KIAA2012: variants seen among roughly 807,000 people sequenced by gnomAD.
The protein encoded by KIAA2012 is uncharacterized protein KIAA2012.
KIAA2012 carries 125 observed loss-of-function variants against 150.6 expected under a neutral mutation model. That is an observed-to-expected ratio of 0.83 (90% CI 0.72 to 0.96). KIAA2012 has a LOEUF of 0.96. KIAA2012 is among the 40% of genes least tolerant of loss of function. The probability of loss-of-function intolerance (pLI) is 0.00; values close to 1 mark genes in which losing one functional copy is unlikely to be tolerated. For missense variants in KIAA2012, 1,219 were observed against 1,354.9 expected (o/e 0.90, Z 1.57); for synonymous variants, 462 against 504.7 (o/e 0.92, Z 1.13).
chr2:202,191,546 C>T (rs1206247680), intron 19 of KIAA2012, among the ~76,000 whole-genome samples: 2 of 89,346 alleles, frequency 2.2e-5, no homozygotes, highest in Admixed American at 3.0e-4. Flanking sequence ...CTCTATCTAT[C>T]TCTAACCAAA....
At chr2:202,186,402 T>C (rs532490339) in intron 16 of KIAA2012, among the ~76,000 whole-genome samples, 130 of 151,942 alleles carry the variant, frequency 8.6e-4, no homozygotes, top group Non-Finnish European at 1.6e-3. Flanking sequence ...ATCCCAGCTA[T>C]TGGGGAGGCT....
intron 15 of KIAA2012, among the ~76,000 whole-genome samples, chr2:202,180,135 G>A (rs1692088949): frequency 6.6e-6 from 1 of 152,114 alleles, no homozygotes; most frequent in Non-Finnish European, 1.5e-5. Flanking sequence ...GCCGGGCATG[G>A]TGGTGCATGC....
intron 15 of KIAA2012, chr2:202,179,610 C>A (rs1316716223): frequency 7.5e-6 from 5 of 663,954 alleles, no homozygotes; most frequent in Non-Finnish European, 1.4e-5. Flanking sequence ...TGCCCATTCC[C>A]ACAGCTCAGC....
chr2:202,163,810 C>CTTG (rs1363716814), intron 14 of KIAA2012, among the ~76,000 whole-genome samples: 2 of 23,588 alleles, frequency 8.5e-5, no homozygotes, highest in Non-Finnish European at 1.8e-4. Flanking sequence ...TTTTTTTTTC[C>CTTG]TGTACCAGGC....
intron 23 of KIAA2012, among the ~76,000 whole-genome samples, chr2:202,204,736 G>GT (rs1192335812): frequency 8.9e-6 from 1 of 112,878 alleles, no homozygotes; most frequent in African/African-American, 3.6e-5. Flanking sequence ...CTCCTTTTTT[G>GT]TAAAAATTAA....
chr2:202,189,343 G>A (rs1692285637), intron 18 of KIAA2012, among the ~76,000 whole-genome samples: 2 of 151,566 alleles, frequency 1.3e-5, no homozygotes, highest in Non-Finnish European at 1.5e-5. Flanking sequence ...CCAGGCTGGA[G>A]TGCAGTGGCA....
At chr2:202,175,989 T>A (rs1691981856) in intron 15 of KIAA2012, among the ~76,000 whole-genome samples, 1 of 152,180 alleles carries the variant, frequency 6.6e-6, no homozygotes, top group African/African-American at 2.4e-5. Context: ...GAAAGGATGA[T>A]CTATTATTCA....
intron 19 of KIAA2012, among the ~76,000 whole-genome samples, chr2:202,191,647 C>T (rs185839601): frequency 3.7e-4 from 56 of 152,232 alleles, no homozygotes; most frequent in African/African-American, 1.1e-3. Context: ...AAGACCAAAA[C>T]GGCCAATCTT....
intron 3 of KIAA2012, among the ~76,000 whole-genome samples, chr2:202,092,816 T>C (rs1689759817): frequency 6.6e-6 from 1 of 152,078 alleles, no homozygotes; most frequent in African/African-American, 2.4e-5. Flanking sequence ...GAAGTACACA[T>C]GTAGCACAGA....
intron 7 of KIAA2012, among the ~76,000 whole-genome samples, chr2:202,102,190 GCA>G (rs57274823): frequency 5.3e-5 from 8 of 150,500 alleles, no homozygotes; most frequent in Admixed American, 4.0e-4. Context: ...ACACATACAC[GCA>G]CACACACACA....
intron 14 of KIAA2012, among the ~76,000 whole-genome samples, chr2:202,159,549 T>C (rs2105716501): frequency 6.6e-6 from 1 of 152,242 alleles, no homozygotes; most frequent in African/African-American, 2.4e-5. Context: ...GAAATAATAA[T>C]ACTGGGACCT....
At position 202,113,360 on chromosome 2, in the gene KIAA2012, G is replaced by T. The variant is rs1363384214; in HGVS notation, c.1676G>T (p.Gly559Val). 1 of 1,550,642 alleles carries T rather than the reference G, an allele frequency of 6.4e-7. No homozygotes were observed. The highest frequency in any genetic ancestry group is 1.4e-5 in the African/African-American group (1 of 73,014). Residue 559 changes from glycine (G) to valine (V), a missense_variant, in exon 11 of 24, where the codon GGA (glycine) becomes GTA (valine). By Grantham distance (109) the Gly-to-Val change is moderately radical. Coordinates refer to ENST00000498697, the MANE Select transcript of KIAA2012 (RefSeq NM_001277372.4). ...GAAGATTCCAGCGACCCTACACTGG[G>T]ACACTTCTTGCTGGGTCCAGATGGA... is the stretch of plus-strand genomic sequence containing the variant. Reference protein sequence around the residue: ...AQEDSSDPTLGHFLLGPDGEK... With the variant: ...AQEDSSDPTLVHFLLGPDGEK...
chr2:202,144,212 A>G (rs1164280613), intron 13 of KIAA2012, among the ~76,000 whole-genome samples: 1 of 152,172 alleles, frequency 6.6e-6, no homozygotes, highest in Non-Finnish European at 1.5e-5. Flanking sequence ...TGGGGCTTAG[A>G]ACTTTGATAG....
chr2:202,143,075 ATTTTTTTTTTT>A (rs59488285), intron 13 of KIAA2012, among the ~76,000 whole-genome samples: 23 of 124,988 alleles, frequency 1.8e-4, no homozygotes, highest in Admixed American at 6.2e-4. Context: ...CACTGGTTTA[ATTTTTTTTTTT>A]TTTTTTTTTT....
rs10166318 is a variant in KIAA2012, at chr2:202,104,456, C to T, written c.1325-1305C>T. ...CACACCATGCAGGGCCACACGGGGG[C>T]GCACCAGCCTCCAGGAGGCAGAAGG... On this transcript the variant is annotated intron_variant, in intron 8 of 23. Coordinates refer to ENST00000498697, the MANE Select transcript of KIAA2012 (RefSeq NM_001277372.4). The surrounding 1 kb of genome is among the most constrained non-coding windows in gnomAD (Gnocchi z 4.3). Among the ~76,000 whole-genome samples the T allele has an allele frequency of 1.3e-3, 202 of 152,252 alleles. 2 individuals carry two copies. Among genetic ancestry groups the T allele is most frequent in the African/African-American group, 4.5e-3 (186 of 41,550 alleles).
chr2:202,194,245 AAGC>A lies in KIAA2012; in HGVS notation c.3077_3079del (p.Gln1026del), dbSNP rs1692369287. On this transcript the variant is annotated inframe_deletion, in exon 21 of 24. Transcript: ENST00000498697. ...GCAGCGGCAGGAGGAGGAGGAGAGA[AAGC>A]AGCAGCTCCGGTTGAAAGCAGCCCA... 6.4e-7 allele frequency: 1 copy of A among 1,550,488 alleles called. No homozygotes were observed.
At chr2:202,139,958 A>G (rs903467105) in intron 13 of KIAA2012, among the ~76,000 whole-genome samples, 3 of 152,158 alleles carry the variant, frequency 2.0e-5, no homozygotes, top group Non-Finnish European at 4.4e-5. Flanking sequence ...AGCCAGGTGC[A>G]GTGGCTCACG....
chr2:202,138,503 A>G lies in KIAA2012; in HGVS notation c.1903A>G (p.Lys635Glu). ...CTCACCGTTGACCCAAACAACAGAG[A>G]AGCAGGTATAGTATTGACTCTGAAT... ...ETSPLTQTTE[K>E]QGAQQSLEAA... The change falls in exon 13 of 24, where the codon AAG becomes GAG. Residue 635 changes from lysine to glutamate, a missense_variant. Lys to Glu is a moderately conservative substitution (Grantham distance 56). Transcript: ENST00000498697. 2 of 1,549,162 alleles carry G rather than the reference A, an allele frequency of 1.3e-6. No individual in the cohort carries two copies. Among genetic ancestry groups the G allele is most frequent in the South Asian group, 2.4e-5 (2 of 84,026 alleles).
In KIAA2012 at chr2:202,113,422, A is replaced by T; in HGVS notation, c.1738A>T (p.Thr580Ser). 6.5e-7 allele frequency: 1 copy of T among 1,549,308 alleles called. No individual in the cohort carries two copies. The highest frequency in any genetic ancestry group is 1.2e-5 in the South Asian group (1 of 83,986). The change falls in exon 11 of 24, where the codon ACC (threonine) becomes TCC (serine). Residue 580 changes from threonine to serine, a missense_variant. Coordinates refer to ENST00000498697, the MANE Select transcript of KIAA2012 (RefSeq NM_001277372.4). ...CCTGTCCCTCCCAGGGCATACCCAA[A>T]CCGAGGCGCTTCCATCGGGTAAAGG... ...VCLSLPGHTQ[T>S]EALPSGKAYE...
Sources: allele counts gnomAD v4.1 joint callset (sites outside exome capture counted in the v4.1 genomes callset), GRCh38; gene constraint gnomAD v4.1.1; non-coding constraint Gnocchi (gnomAD v3.1); transcripts MANE v1.5; gene names NCBI Gene and HGNC (gene_info 2026-07-23, HGNC 2026-07-21).